PPP1R2: variants seen among roughly 807,000 people sequenced by gnomAD.
The protein encoded by PPP1R2 is protein phosphatase 1 regulatory inhibitor subunit 2, also known as protein phosphatase inhibitor 2.
Under a neutral mutation model 29.9 loss-of-function variants are expected in PPP1R2, and 16 were observed. That is an observed-to-expected ratio of 0.53 (90% CI 0.36 to 0.81). PPP1R2 has a LOEUF of 0.81. Among genes scored for constraint, PPP1R2 ranks in the 30% least tolerant of loss-of-function variants. The pLI is 0.00. For synonymous variants in PPP1R2, 76 were observed against 91.5 expected (o/e 0.83, Z 0.96); for missense variants, 197 against 252.7 (o/e 0.78, Z 1.49).
At chr3:195,542,113 T>C (rs763002348) in intron 1 of PPP1R2, among the ~76,000 whole-genome samples, 4 of 152,232 alleles carry the variant, frequency 2.6e-5, no homozygotes, top group African/African-American at 7.2e-5. Context: ...CTACAGATAC[T>C]GTACTGCAAC....
chr3:195,527,391 A>G (rs770705098), intron 2 of PPP1R2, among the ~76,000 whole-genome samples: 1 of 152,052 alleles, frequency 6.6e-6, no homozygotes, highest in Non-Finnish European at 1.5e-5. Flanking sequence ...TGGAGCTTGC[A>G]GTGAGCTGAG....
chr3:195,533,141 G>A (rs1560441715), intron 1 of PPP1R2, among the ~76,000 whole-genome samples: 2 of 152,050 alleles, frequency 1.3e-5, no homozygotes, highest in African/African-American at 2.4e-5. Flanking sequence ...GAGGTTAGGC[G>A]CTCGAGACCA....
At chr3:195,532,215 C>CTTTTTTTT (rs146508182) in intron 1 of PPP1R2, among the ~76,000 whole-genome samples, 79 of 120,054 alleles carry the variant, frequency 6.6e-4, no homozygotes, top group Admixed American at 1.2e-3. Flanking sequence ...TTTTCTTTTT[C>CTTTTTTTT]TTTTTTTTTT....
intron 2 of PPP1R2, 36 bp downstream of exon 2, chr3:195,529,754 GAAGT>G (rs1170517294): frequency 7.2e-7 from 1 of 1,381,990 alleles, no homozygotes; most frequent in Non-Finnish European, 1.0e-6. Flanking sequence ...ATGCAAAATG[GAAGT>G]AAGTCACAAG....
rs1553886653 is a variant in PPP1R2 at position 195,532,218 on chromosome 3, T to TC, written c.123-2318_123-2317insG. Among the ~76,000 whole-genome samples the TC allele has an allele frequency of 1.5e-3, 222 of 145,578 alleles. 1 individual carries two copies. Among genetic ancestry groups the TC allele is most frequent in the African/African-American group, 5.0e-3 (196 of 39,360 alleles). ...GCTAATTTTTCTTTTTCTTTTTCTT[T>TC]TTTTTTTTTTTTTTTTACAGGTGGA... On this transcript the variant is annotated intron_variant, in intron 1 of 5. Transcript: ENST00000618156.
intron 4 of PPP1R2, among the ~76,000 whole-genome samples, chr3:195,519,809 G>C (rs968821954): frequency 9.2e-5 from 14 of 151,502 alleles, no homozygotes; most frequent in Non-Finnish European, 1.8e-4. Flanking sequence ...TTTCATTTTA[G>C]TCTTCACCAT....
At chr3:195,532,434 C>T (rs965577427) in intron 1 of PPP1R2, among the ~76,000 whole-genome samples, 1 of 152,048 alleles carries the variant, frequency 6.6e-6, no homozygotes, top group Non-Finnish European at 1.5e-5. Flanking sequence ...GAACTCATCA[C>T]ACTCTTCTGG....
In PPP1R2 at chr3:195,519,091, A is replaced by G; in HGVS notation, c.498T>C (p.His166=). The change falls in exon 5 of 6, where the codon CAT becomes CAC. Residue 166 remains histidine, a synonymous_variant. Coordinates refer to ENST00000618156, the MANE Select transcript of PPP1R2 (RefSeq NM_006241.8). Reference sequence around the variant, plus strand: ...ACATTTCTTCATCTTCATCATCATCATGTAGGTCTTTTGAAATTAATTGTC... The same window carrying G: ...ACATTTCTTCATCTTCATCATCATCGTGTAGGTCTTTTGAAATTAATTGTC... ...LARQLISKDL[H]DDDEDEEMLE... is the part of the protein sequence containing the mutation. 3 of 1,609,786 alleles carry G rather than the reference A, an allele frequency of 1.9e-6. No homozygotes were observed. The highest frequency in any genetic ancestry group is 2.6e-6 in the Non-Finnish European group (3 of 1,176,406).
At chr3:195,531,161 T>C (rs1284665532) in intron 1 of PPP1R2, among the ~76,000 whole-genome samples, 2 of 152,228 alleles carry the variant, frequency 1.3e-5, no homozygotes, top group Non-Finnish European at 2.9e-5. Flanking sequence ...TTTCATGCAA[T>C]GAAGTATTTG....
At chr3:195,526,210 C>T (rs879295081) in intron 2 of PPP1R2, among the ~76,000 whole-genome samples, 18 of 152,034 alleles carry the variant, frequency 1.2e-4, no homozygotes, top group Admixed American at 4.6e-4. Context: ...ATACTCCCAC[C>T]TAAGCCTCTT....
intron 1 of PPP1R2, among the ~76,000 whole-genome samples, chr3:195,538,301 A>G (rs887453013): frequency 1.3e-5 from 2 of 152,208 alleles, no homozygotes; most frequent in African/African-American, 4.8e-5. Flanking sequence ...TGCTCATTTG[A>G]TAAGTTGTGA....
rs112599734 is a variant in PPP1R2, at chr3:195,543,301, C to T, written c.-276G>A. The T allele has an allele frequency of 1.0e-5, 3 of 294,072 alleles. No homozygotes were observed. The highest frequency in any genetic ancestry group is 1.9e-5 in the Non-Finnish European group (3 of 158,196). The allele number at this position is 294,072 out of a possible 1,614,324, so 18.2% of individuals were successfully genotyped here. On this transcript the variant is annotated 5_prime_UTR_variant, in exon 1 of 6. Coordinates refer to ENST00000618156, the MANE Select transcript of PPP1R2 (RefSeq NM_006241.8). The stretch of plus-strand genomic sequence containing the variant: ...GAGAGACGCCGGCCTAGAGCTCCAG[C>T]GCAGGAGCGACGCGACGCCGAAGCC...
chr3:195,521,653 C>T (rs942901740), intron 4 of PPP1R2, among the ~76,000 whole-genome samples: 17 of 151,686 alleles, frequency 1.1e-4, no homozygotes, highest in Non-Finnish European at 2.1e-4. Flanking sequence ...TATTTATGTA[C>T]TTATTTATTT....
rs774880477 is a variant in PPP1R2, at chr3:195,516,868, A to T, written c.*28T>A. The stretch of plus-strand genomic sequence containing the variant: ...ATAGTCACAGGGTTTACATCTAACA[A>T]ACAATTGCAGTGTTGAACAAATCTC... On this transcript the variant is annotated 3_prime_UTR_variant, in exon 6 of 6. Coordinates refer to ENST00000618156, the MANE Select transcript of PPP1R2 (RefSeq NM_006241.8). 1 of 1,599,944 alleles carries T rather than the reference A, an allele frequency of 6.3e-7. No individual in the cohort carries two copies. The highest frequency in any genetic ancestry group is 8.6e-7 in the Non-Finnish European group (1 of 1,167,700).
Position 195,543,177 on chromosome 3 carries a change from G to T in PPP1R2, c.-152C>A. On this transcript the variant is annotated 5_prime_UTR_variant, in exon 1 of 6. Coordinates refer to ENST00000618156, the MANE Select transcript of PPP1R2 (RefSeq NM_006241.8). ...CTGCCTCGGAAACGGCTACCGCAGC[G>T]GTTGTCACGACACAACGACCCCGAC... 1 of 1,104,366 alleles carries T rather than the reference G, an allele frequency of 9.1e-7. No homozygotes were observed. Among genetic ancestry groups the T allele is most frequent in the Non-Finnish European group, 1.2e-6 (1 of 809,104 alleles). 68.4% of individuals were successfully genotyped at this position (1,104,366 alleles called of 1,614,324 possible). A position where few individuals can be genotyped will look rare whatever the true frequency, so the allele number is the denominator to read the frequency against.
chr3:195,524,112 G>A (rs1718873676), intron 3 of PPP1R2, among the ~76,000 whole-genome samples: 1 of 151,850 alleles, frequency 6.6e-6, no homozygotes, highest in Non-Finnish European at 1.5e-5. Context: ...AATAAAAAGA[G>A]TAGAAATGGG....
At chr3:195,518,996 T>C (rs769481964) in intron 5 of PPP1R2, 22 bp downstream of exon 5, 1 of 1,609,922 alleles carries the variant, frequency 6.2e-7, no homozygotes, top group Non-Finnish European at 8.5e-7. Flanking sequence ...AAAGTCTCAG[T>C]GACATTTTCC....
intron 1 of PPP1R2, among the ~76,000 whole-genome samples, chr3:195,530,606 A>G (rs760008118): frequency 2.6e-5 from 4 of 151,964 alleles, no homozygotes; most frequent in Non-Finnish European, 5.9e-5. Context: ...GCTCACTGCA[A>G]CTTCCACCTT....
chr3:195,532,503 C>G (rs756539880), intron 1 of PPP1R2, among the ~76,000 whole-genome samples: 1 of 152,058 alleles, frequency 6.6e-6, no homozygotes, highest in Non-Finnish European at 1.5e-5. Context: ...CTTCAGATGC[C>G]TAGGCTTCTG....
Sources: allele counts gnomAD v4.1 joint callset (sites outside exome capture counted in the v4.1 genomes callset), GRCh38; gene constraint gnomAD v4.1.1; transcripts MANE v1.5; gene names NCBI Gene and HGNC (gene_info 2026-07-23, HGNC 2026-07-21).